GNG2: variants seen among roughly 807,000 people sequenced by gnomAD.
The protein encoded by GNG2 is guanine nucleotide-binding protein G(I)/G(S)/G(O) subunit gamma-2.
A neutral mutation model predicts 5.5 loss-of-function variants in GNG2; 5 were observed. The ratio of observed to expected loss-of-function variants is 0.91; its 90% CI spans 0.48 to 1.92. The LOEUF (loss-of-function observed/expected upper bound fraction) is 1.92, where lower values mean the gene tolerates loss of function less well. GNG2 is among the 30% of genes most tolerant of loss of function. The pLI is 0.01. For missense variants in GNG2, 55 were observed against 88.4 expected, an observed-to-expected ratio of 0.62 and a Z score of 1.52; for synonymous variants, 28 against 32.0, an observed-to-expected ratio of 0.88 and a Z score of 0.42.
At chr14:51,956,297 A>C (rs1428886872) in intron 3 of GNG2, among the ~76,000 whole-genome samples, 1 of 152,174 alleles carries the variant, frequency 6.6e-6, no homozygotes, top group East Asian at 1.9e-4. Context: ...ATTTGTAGCC[A>C]AGTTGGACAG....
rs115640148 is a variant in GNG2 at position 51,888,190 on chromosome 14, A to C, written c.-30+10533A>C. ...AATGTAATTACATTGAGATACATCC[A>C]TGCTGTATGCATCAACTATTTATTC... On this transcript the variant is annotated intron_variant, in intron 2 of 3. Coordinates refer to ENST00000556766, the MANE Select transcript of GNG2 (RefSeq NM_053064.5). 1.1e-3 allele frequency among the ~76,000 whole-genome samples: 162 copies of C among 152,220 alleles called. 1 individual carries two copies. Among genetic ancestry groups the C allele is most frequent in the African/African-American group, 3.8e-3 (159 of 41,548 alleles).
intron 2 of GNG2, among the ~76,000 whole-genome samples, chr14:51,912,290 A>G (rs1431997809): frequency 6.6e-6 from 1 of 152,162 alleles, no homozygotes; most frequent in East Asian, 1.9e-4. Flanking sequence ...GGAAGAGAGC[A>G]CTAAGATTCC....
intron 2 of GNG2, among the ~76,000 whole-genome samples, chr14:51,935,391 A>AG (rs1046305088): frequency 6.6e-6 from 1 of 152,128 alleles, no homozygotes; most frequent in African/African-American, 2.4e-5. Flanking sequence ...TAGGGAGGGG[A>AG]GGGGTCAACA....
At chr14:51,931,496 C>T (rs530544353) in intron 2 of GNG2, among the ~76,000 whole-genome samples, 3 of 152,130 alleles carry the variant, frequency 2.0e-5, no homozygotes, top group South Asian at 2.1e-4. Context: ...GATACAAAAT[C>T]GGGAGATGTA....
intron 2 of GNG2, among the ~76,000 whole-genome samples, chr14:51,932,749 G>A (rs1427308839): frequency 6.6e-6 from 1 of 152,182 alleles, no homozygotes; most frequent in Non-Finnish European, 1.5e-5. Flanking sequence ...ACTGCTGGGA[G>A]GTTGTAGTGG....
intron 2 of GNG2, among the ~76,000 whole-genome samples, chr14:51,836,790 A>G (rs1049360327): frequency 6.6e-6 from 1 of 151,584 alleles, no homozygotes; most frequent in African/African-American, 2.4e-5. Context: ...ATGCTAACCT[A>G]TCACTAAAAG....
At chr14:51,827,912 G>A (rs558977506) in intron 2 of GNG2, 10 of 601,570 alleles carry the variant, frequency 1.7e-5, no homozygotes, top group Non-Finnish European at 1.2e-5. Flanking sequence ...TGGAGAGAGA[G>A]TCTGAGAGTG....
intron 3 of GNG2, among the ~76,000 whole-genome samples, chr14:51,960,021 GT>G (rs1279218816): frequency 6.6e-6 from 1 of 151,954 alleles, no homozygotes; most frequent in Non-Finnish European, 1.5e-5. Context: ...TGGATTTGCA[GT>G]TTTCATTAAA....
At chr14:51,922,254 T>G (rs1887057692) in intron 2 of GNG2, among the ~76,000 whole-genome samples, 2 of 152,222 alleles carry the variant, frequency 1.3e-5, no homozygotes, top group South Asian at 4.1e-4. Context: ...GATGCTATCA[T>G]GGGAAAGAAA....
chr14:51,925,043 T>C (rs1887225581), intron 2 of GNG2, among the ~76,000 whole-genome samples: 1 of 152,186 alleles, frequency 6.6e-6, no homozygotes, highest in African/African-American at 2.4e-5. Flanking sequence ...AGTTCCAGTG[T>C]TCCATAGCAC....
At chr14:51,860,299 C>A (rs17252623), upstream of GNG2, 5,081 of 152,340 alleles carry the variant, frequency 0.033, 103 homozygotes, top group African/African-American at 0.045. Context: ...GCTAAAAAAG[C>A]AGGCAGTGTG....
chr14:51,827,911 A>G lies in GNG2; in HGVS notation c.64+104A>G, dbSNP rs1038372152. On this transcript the variant is annotated intron_variant, in intron 2 of 3. Transcript: ENST00000553432. ...GAAAGAGTAAAGAGCTTGGAGAGAG[A>G]GTCTGAGAGTGGGAGGACTCAGGAG... 5.0e-6 allele frequency: 3 copies of G among 601,752 alleles called. No individual in the cohort carries two copies. In the African/African-American group the frequency reaches 5.6e-5, roughly 11 times the overall value. 37.3% of individuals were successfully genotyped at this position (601,752 alleles called of 1,614,324 possible). A position where few individuals can be genotyped will look rare whatever the true frequency, so the allele number is the denominator to read the frequency against.
intron 1 of GNG2, among the ~76,000 whole-genome samples, chr14:51,867,426 C>T (rs940062583): frequency 6.6e-6 from 1 of 152,176 alleles, no homozygotes; most frequent in Non-Finnish European, 1.5e-5. Flanking sequence ...CAGCTCCTCA[C>T]CTGATTTCAT....
chr14:51,849,922 A>G (rs1881829205), intron 2 of GNG2, among the ~76,000 whole-genome samples: 1 of 149,494 alleles, frequency 6.7e-6, no homozygotes, highest in South Asian at 2.1e-4. Context: ...TGATCCTCCC[A>G]CTTTAGCCTC....
chr14:51,886,278 G>A (rs1278414439), intron 2 of GNG2, among the ~76,000 whole-genome samples: 1 of 152,130 alleles, frequency 6.6e-6, no homozygotes, highest in African/African-American at 2.4e-5. Flanking sequence ...CATAAGTTCT[G>A]TGACTATGCC....
chr14:51,862,908 T>C lies in GNG2; in HGVS notation c.-71+2118T>C, dbSNP rs149062132. 3.4e-4 allele frequency among the ~76,000 whole-genome samples: 51 copies of C among 152,222 alleles called. 3 individuals carry two copies. In the East Asian group the frequency reaches 8.5e-3, roughly 25 times the overall value. ...CCACTTATTCTGGCCATATGGAATA[T>C]TGAAAGACTTAATGATTTTTCCTGG... On this transcript the variant is annotated intron_variant, in intron 1 of 3. Coordinates refer to ENST00000556766, the MANE Select transcript of GNG2 (RefSeq NM_053064.5).
chr14:51,830,150 C>G (rs369828400), intron 2 of GNG2, among the ~76,000 whole-genome samples: 1 of 152,220 alleles, frequency 6.6e-6, no homozygotes, highest in African/African-American at 2.4e-5. Flanking sequence ...TCACTCCCTA[C>G]TTCTTGAAGT....
intron 2 of GNG2, among the ~76,000 whole-genome samples, chr14:51,898,775 A>T (rs1252056395): frequency 6.6e-6 from 1 of 152,160 alleles, no homozygotes; most frequent in Non-Finnish European, 1.5e-5. Context: ...TGCTCCTGGA[A>T]CCAAGGCACT....
At chr14:51,840,411 T>A (rs527759264) in intron 2 of GNG2, among the ~76,000 whole-genome samples, 75 of 152,330 alleles carry the variant, frequency 4.9e-4, no homozygotes, top group Non-Finnish European at 9.4e-4. Context: ...CCCATTTGTC[T>A]TCCTCCCTCT....
Sources: gnomAD v4.1 joint callset for allele counts (sites outside exome capture counted in the v4.1 genomes callset) on GRCh38, gnomAD v4.1.1 for gene constraint, MANE v1.5 for transcripts, NCBI Gene and HGNC (gene_info 2026-07-23, HGNC 2026-07-21) for gene names.